The following DNAH8 variants were observed in gnomAD, a reference collection of about 807,000 sequenced individuals.
The protein encoded by DNAH8 is dynein axonemal heavy chain 8, also known as axonemal beta dynein heavy chain 8.
A neutral mutation model predicts 562.1 loss-of-function variants in DNAH8; 382 were observed. That is an observed-to-expected ratio of 0.68 (90% confidence interval 0.63 to 0.74). DNAH8 has a LOEUF of 0.74. Ranked by LOEUF, DNAH8 falls within the 30% of genes least tolerant of loss-of-function variation. DNAH8 has a pLI of 0.00. For synonymous variants in DNAH8, 1,881 were observed against 1,919.4 expected (o/e 0.98, Z 0.52); for missense variants, 5,203 against 5,620.4 (o/e 0.93, Z 2.37).
intron 25 of DNAH8, 147 bp downstream of exon 25, chr6:38,814,276 C>T: frequency 1.7e-6 from 1 of 601,622 alleles, no homozygotes; most frequent in Non-Finnish European, 2.9e-6. Flanking sequence ...TCATTTATAT[C>T]TGTTATGAAA....
At chr6:38,931,297 CT>C (rs1782534362) in intron 75 of DNAH8, 1 of 151,984 alleles carries the variant, frequency 6.6e-6, no homozygotes, top group Non-Finnish European at 1.5e-5. Flanking sequence ...TAAATGTTAC[CT>C]TTTTGAAAAA....
chr6:38,741,059 G>C lies in DNAH8; in HGVS notation c.1117-652G>C, dbSNP rs552473316. On this transcript the variant is annotated intron_variant, in intron 7 of 92. Coordinates refer to ENST00000327475, the MANE Select transcript of DNAH8 (RefSeq NM_001206927.2). ...ATTACCAGGTGGAATAGAAGTGGGT[G>C]GTGATTGTGGCAAACTTATCATGTC... Among the ~76,000 whole-genome samples, 15 of 152,272 alleles carry C rather than the reference G, an allele frequency of 9.9e-5. 1 individual carries two copies. In the South Asian group the frequency reaches 3.1e-3, roughly 32 times the overall value.
intron 1 of DNAH8, among the ~76,000 whole-genome samples, chr6:38,720,504 G>A (rs1762668325): frequency 6.6e-6 from 1 of 152,122 alleles, no homozygotes; most frequent in Non-Finnish European, 1.5e-5. Context: ...TAGAACCGAG[G>A]CAAACCCAGG....
chr6:38,762,658 G>A (rs1766633120), intron 11 of DNAH8, among the ~76,000 whole-genome samples: 1 of 152,212 alleles, frequency 6.6e-6, no homozygotes, highest in African/African-American at 2.4e-5. Flanking sequence ...TTCATTGAAA[G>A]TTTGAAAGAA....
chr6:38,870,023 C>T (rs1302564798), intron 48 of DNAH8, among the ~76,000 whole-genome samples: 1 of 152,214 alleles, frequency 6.6e-6, no homozygotes, highest in African/African-American at 2.4e-5. Flanking sequence ...AGCAAAGTCA[C>T]GTCTTTACAT....
At chr6:38,914,392 C>CTT (rs66765653) in intron 67 of DNAH8, among the ~76,000 whole-genome samples, 4,979 of 64,046 alleles carry the variant, frequency 0.078, 459 homozygotes, top group Admixed American at 0.12. Context: ...TGCTTTTTCT[C>CTT]TTTTTTTTTT....
intron 91 of DNAH8, among the ~76,000 whole-genome samples, chr6:39,023,472 G>A (rs1024829848): frequency 1.3e-5 from 2 of 152,082 alleles, no homozygotes; most frequent in Non-Finnish European, 2.9e-5. Context: ...CAGCCTGGGC[G>A]ACAGAGCGAG....
chr6:38,820,237 C>T (rs1191162298), intron 26 of DNAH8, among the ~76,000 whole-genome samples: 1 of 152,098 alleles, frequency 6.6e-6, no homozygotes, highest in East Asian at 1.9e-4. Context: ...AGATAGATAA[C>T]ATACAGCAGA....
In DNAH8 at chr6:38,857,533, A is replaced by T; in HGVS notation, c.5749A>T (p.Ile1917Phe). 6.2e-7 allele frequency: 1 copy of T among 1,610,120 alleles called. No individual in the cohort carries two copies. Residue 1917 changes from isoleucine (I) to phenylalanine (F), a missense_variant, in exon 42 of 93, where the codon ATT becomes TTT. Physicochemically the swap from Ile to Phe is conservative, Grantham distance 21. Around this residue, in one of 6 missense-constraint regions of DNAH8, gnomAD observed 2,176 missense variants for 2,365.1 expected, o/e 0.92. Coordinates refer to ENST00000327475, the MANE Select transcript of DNAH8 (RefSeq NM_001206927.2). ...HFPAQVGLLG[I>F]QMLWTHDSEE... ...GGATCTGTAGGTTGGACTTCTGGGA[A>T]TTCAGATGTTGTGGACACACGATTC...
intron 50 of DNAH8, 48 bp downstream of exon 50, chr6:38,872,830 AAC>A (rs1777575659): frequency 6.2e-7 from 1 of 1,608,604 alleles, no homozygotes; most frequent in Non-Finnish European, 8.5e-7. Context: ...CTAGCGTATT[AAC>A]ACAGTATTTT....
At chr6:38,781,965 G>A (rs529401736) in intron 16 of DNAH8, among the ~76,000 whole-genome samples, 22 of 152,078 alleles carry the variant, frequency 1.4e-4, no homozygotes, top group Non-Finnish European at 2.9e-4. Flanking sequence ...GAGTCACAAG[G>A]TGGAGTTGGT....
At chr6:39,012,750 GC>G in intron 91 of DNAH8, 113 bp downstream of exon 91, 1 of 712,188 alleles carries the variant, frequency 1.4e-6, no homozygotes. Context: ...CTTGCTGGGT[GC>G]TGCACATAGC....
chr6:38,880,062 G>A (rs1778347595), intron 53 of DNAH8, among the ~76,000 whole-genome samples: 1 of 151,946 alleles, frequency 6.6e-6, no homozygotes. Context: ...GGCCAACATG[G>A]TGAAACCCCG....
intron 4 of DNAH8, among the ~76,000 whole-genome samples, chr6:38,732,840 G>A (rs1317235025): frequency 1.3e-5 from 2 of 152,056 alleles, no homozygotes; most frequent in Admixed American, 6.6e-5. Context: ...AGAAAGGCTG[G>A]GCAGACAAAA....
chr6:38,747,688 G>GT (rs1166556030), intron 8 of DNAH8, among the ~76,000 whole-genome samples: 1 of 152,086 alleles, frequency 6.6e-6, no homozygotes, highest in Non-Finnish European at 1.5e-5. Flanking sequence ...CTCAGCCACT[G>GT]TTTGTCATTT....
At chr6:39,005,894 T>G (rs1016827689) in intron 88 of DNAH8, among the ~76,000 whole-genome samples, 5 of 152,256 alleles carry the variant, frequency 3.3e-5, no homozygotes, top group African/African-American at 1.2e-4. Context: ...TCTACGGTTT[T>G]ACTGTGATGT....
In DNAH8 at chr6:38,853,444, T is replaced by C. The variant is rs936658234; in HGVS notation, c.5733+97T>C. The C allele has an allele frequency of 1.8e-5, 24 of 1,335,776 alleles. No homozygotes were observed. The East Asian group carries it at 5.1e-4, about 28-fold the overall frequency. 82.7% of individuals were successfully genotyped at this position (1,335,776 alleles called of 1,614,324 possible). On this transcript the variant is annotated intron_variant, in intron 41 of 92. Transcript: ENST00000327475. The stretch of plus-strand genomic sequence containing the variant: ...TTGACCTGATGGTGTGAGGCAATTG[T>C]AGCTTTGAATTAGGTTAGAGTGGCC...
intron 91 of DNAH8, among the ~76,000 whole-genome samples, chr6:39,015,924 A>G (rs1350502369): frequency 1.3e-5 from 2 of 152,170 alleles, no homozygotes; most frequent in South Asian, 4.1e-4. Context: ...TGTTAGTCGC[A>G]CAGAAGACTG....
chr6:38,867,629 T>C lies in DNAH8; in HGVS notation c.6694-433T>C, dbSNP rs1777145028. Among the ~76,000 whole-genome samples the C allele has an allele frequency of 4.0e-5, 6 of 150,640 alleles. No homozygotes were observed. The South Asian group carries it at 1.1e-3, about 27-fold the overall frequency. ...TTAGCCAGGCGTGGTGGCACGCGCC[T>C]ATAATCCCAGCTACTGGGGAGGCTG... On this transcript the variant is annotated intron_variant, in intron 47 of 92. Coordinates refer to ENST00000327475, the MANE Select transcript of DNAH8 (RefSeq NM_001206927.2).
Sources: allele counts gnomAD v4.1 joint callset (sites outside exome capture counted in the v4.1 genomes callset), GRCh38; gene constraint gnomAD v4.1.1; regional missense constraint gnomAD v4.1.1; transcripts MANE v1.5; gene names NCBI Gene and HGNC (gene_info 2026-07-23, HGNC 2026-07-21).